Variants in LCP2 observed in about 807,000 individuals in gnomAD.
LCP2 encodes lymphocyte cytosolic protein 2.
Under a neutral mutation model 74.5 loss-of-function variants are expected in LCP2, and 29 were observed. That is an observed-to-expected ratio of 0.39 (90% CI 0.29 to 0.53). LCP2 has a LOEUF of 0.53. LCP2 is among the 20% of genes least tolerant of loss of function. The pLI, the probability that LCP2 is intolerant of heterozygous loss-of-function variation, is 0.72. For missense variants in LCP2, 604 were observed against 634.6 expected, an observed-to-expected ratio of 0.95 and a Z score of 0.52; for synonymous variants, 228 against 229.5, an observed-to-expected ratio of 0.99 and a Z score of 0.06.
intron 2 of LCP2, among the ~76,000 whole-genome samples, chr5:170,292,187 G>A (rs984326811): frequency 5.3e-5 from 8 of 152,092 alleles, no homozygotes; most frequent in Admixed American, 1.3e-4. Context: ...AAAGCAGTTC[G>A]GGAAACTGCT....
chr5:170,257,607 A>G (rs373176421), intron 16 of LCP2, among the ~76,000 whole-genome samples: 1 of 152,132 alleles, frequency 6.6e-6, no homozygotes, highest in Non-Finnish European at 1.5e-5. Context: ...CTGAGAAAAC[A>G]GGGGGACAGA....
Position 170,287,233 on chromosome 5 carries a change from G to C in LCP2, c.188+737C>G, listed in dbSNP as rs78163058. Among the ~76,000 whole-genome samples the C allele has an allele frequency of 8.7e-3, 1,322 of 152,194 alleles. 19 individuals carry two copies. The highest frequency in any genetic ancestry group is 0.031 in the African/African-American group (1,272 of 41,490). On this transcript the variant is annotated intron_variant, in intron 3 of 20. Transcript: ENST00000046794. Reference sequence around the variant, plus strand: ...CCGTGCTATTATTTTTCTTATAATGGAGAACTATTTCTTCATACAGAATAT... The same window carrying C: ...CCGTGCTATTATTTTTCTTATAATGCAGAACTATTTCTTCATACAGAATAT...
At chr5:170,277,697 T>A (rs148746704) in intron 3 of LCP2, among the ~76,000 whole-genome samples, 179 of 138,202 alleles carry the variant, frequency 1.3e-3, no homozygotes, top group African/African-American at 4.5e-3. Context: ...TGAGCTGAGA[T>A]CACGCCACTG....
At chr5:170,269,970 C>T (rs1761865544) in intron 7 of LCP2, among the ~76,000 whole-genome samples, 1 of 152,170 alleles carries the variant, frequency 6.6e-6, no homozygotes, top group Non-Finnish European at 1.5e-5. Flanking sequence ...TGGGTTATAC[C>T]GCATAAAGGA....
intron 18 of LCP2, 179 bp from the exon 19 acceptor site, chr5:170,252,690 G>A (rs1308680431): frequency 1.8e-6 from 1 of 549,994 alleles, no homozygotes; most frequent in Non-Finnish European, 3.3e-6. Context: ...AAGATATTTT[G>A]TGCGAACTGC....
At chr5:170,278,347 G>A (rs1459280304) in intron 3 of LCP2, among the ~76,000 whole-genome samples, 553 of 48,060 alleles carry the variant, frequency 0.012, 45 homozygotes, top group African/African-American at 0.034. Flanking sequence ...GAGTGCAGGG[G>A]GGGGCTGGGG....
At chr5:170,266,139 T>C (rs80135692) in intron 10 of LCP2, among the ~76,000 whole-genome samples, 1 of 152,296 alleles carries the variant, frequency 6.6e-6, no homozygotes, top group Non-Finnish European at 1.5e-5. Context: ...GCTCAATAAA[T>C]GGTAGCTAAG....
intron 2 of LCP2, 96 bp from the exon 3 acceptor site, chr5:170,288,112 G>T: frequency 2.4e-6 from 3 of 1,263,068 alleles, no homozygotes; most frequent in South Asian, 1.2e-5. Context: ...ATAGGGAGTG[G>T]TGGGGACTGT....
At chr5:170,260,643 C>T (rs1390207285) in intron 14 of LCP2, among the ~76,000 whole-genome samples, 7 of 152,152 alleles carry the variant, frequency 4.6e-5, no homozygotes, top group African/African-American at 4.8e-5. Context: ...CAGCATCCCT[C>T]GCAAACAGGG....
intron 2 of LCP2, among the ~76,000 whole-genome samples, chr5:170,289,667 TTCTTTCTC>T (rs1421379599): frequency 7.8e-5 from 6 of 76,468 alleles, no homozygotes; most frequent in East Asian, 3.6e-4. Context: ...CTTTCTTTCT[TTCTTTCTC>T]TCTCTCTCTC....
chr5:170,294,174 C>A (rs941994180), intron 1 of LCP2, among the ~76,000 whole-genome samples: 2 of 152,184 alleles, frequency 1.3e-5, no homozygotes, highest in South Asian at 4.1e-4. Context: ...CTTTTAATTA[C>A]AGCATAACTT....
Position 170,293,264 on chromosome 5 carries a change from T to G in LCP2, c.141+46A>C, listed in dbSNP as rs147160415. ...TTGGCCCTGCAGCCATGGGGAAAAG[T>G]GCCGAACAGTCTTGGTTTCAGTGTG... On this transcript the variant is annotated intron_variant, in intron 2 of 20. Transcript: ENST00000046794. 1.5e-3 allele frequency: 2,401 copies of G among 1,571,826 alleles called. 7 individuals are homozygous for G. The highest frequency in any genetic ancestry group is 2.0e-3 in the Non-Finnish European group (2,296 of 1,152,182).
chr5:170,249,380 A>ATATATATATC (rs57880741), intron 20 of LCP2, among the ~76,000 whole-genome samples: 6 of 148,016 alleles, frequency 4.1e-5, no homozygotes, highest in East Asian at 2.0e-4. Context: ...ATATATATAT[A>ATATATATATC]TCTACATATC....
intron 6 of LCP2, among the ~76,000 whole-genome samples, chr5:170,273,629 A>G (rs1761934398): frequency 6.6e-6 from 1 of 152,028 alleles, no homozygotes; most frequent in Non-Finnish European, 1.5e-5. Flanking sequence ...TCATCTGTAA[A>G]ATGAACAGAT....
chr5:170,275,333 A>G lies in LCP2; in HGVS notation c.273T>C (p.Phe91=). The change falls in exon 5 of 21, where the codon TTT becomes TTC. Residue 91 remains phenylalanine (F), a synonymous_variant. Transcript: ENST00000046794. ...TGAGAGCTTTACCTGTCTCTTCAGG[A>G]AACCGCGGGACTTGGGGTCTGCAAA... ...IFTRKPQVPR[F]PEETESHEED... 1 of 1,613,556 alleles carries G rather than the reference A, an allele frequency of 6.2e-7. No homozygotes were observed. The highest frequency in any genetic ancestry group is 8.5e-7 in the Non-Finnish European group (1 of 1,179,448).
At position 170,268,372 on chromosome 5, in the gene LCP2, G is replaced by T; in HGVS notation, c.621+13C>A. 2 of 626,598 alleles carry T rather than the reference G, an allele frequency of 3.2e-6. No homozygotes were observed. Among genetic ancestry groups the T allele is most frequent in the Non-Finnish European group, 4.4e-6 (2 of 453,926 alleles). 38.8% of individuals were successfully genotyped at this position (626,598 alleles called of 1,614,324 possible). On this transcript the variant is annotated intron_variant, in intron 8 of 20. Coordinates refer to ENST00000046794, the MANE Select transcript of LCP2 (RefSeq NM_005565.5). Reference sequence around the variant, plus strand: ...GGACACCAAGTACTGTAAAAGAACGGGAGGAGGCCTACCGAGTGATTCCGG... The same window carrying T: ...GGACACCAAGTACTGTAAAAGAACGTGAGGAGGCCTACCGAGTGATTCCGG...
intron 13 of LCP2, among the ~76,000 whole-genome samples, chr5:170,262,348 G>A (rs1761669296): frequency 6.6e-6 from 1 of 152,162 alleles, no homozygotes. Context: ...AACGAGGTTG[G>A]AAAACTCAAT....
intron 17 of LCP2, among the ~76,000 whole-genome samples, chr5:170,253,838 A>T (rs1473250346): frequency 6.6e-6 from 1 of 152,218 alleles, no homozygotes; most frequent in Non-Finnish European, 1.5e-5. Flanking sequence ...ACTATTAATT[A>T]CCCAGTGCTT....
chr5:170,274,964 G>A (rs577233256), intron 5 of LCP2, among the ~76,000 whole-genome samples: 143 of 147,350 alleles, frequency 9.7e-4, no homozygotes, highest in African/African-American at 2.9e-3. Context: ...GCGACAGAGC[G>A]AGACTCTGTC....
Sources: gnomAD v4.1 joint callset for allele counts (sites outside exome capture counted in the v4.1 genomes callset) on GRCh38, gnomAD v4.1.1 for gene constraint, MANE v1.5 for transcripts, NCBI Gene and HGNC (gene_info 2026-07-23, HGNC 2026-07-21) for gene names.